Variants in CEP290 observed in about 807,000 individuals in gnomAD.
The protein encoded by CEP290 is centrosomal protein 290, also known as centrosomal protein of 290 kDa.
CEP290 carries 317 observed loss-of-function variants against 344.9 expected under a neutral mutation model. That is an observed-to-expected ratio of 0.92 (90% confidence interval 0.84 to 1.01). The LOEUF (loss-of-function observed/expected upper bound fraction) is 1.01, where lower values mean the gene tolerates loss of function less well. CEP290 is among the 50% of genes least tolerant of loss of function. CEP290 has a pLI of 0.00. For synonymous variants in CEP290, 932 were observed against 895.8 expected (o/e 1.04, Z -0.72); for missense variants, 2,754 against 2,761.4 (o/e 1.00, Z 0.06).
intron 29 of CEP290, among the ~76,000 whole-genome samples, chr12:88,092,097 T>TTA (rs1565851555): frequency 6.6e-6 from 1 of 152,074 alleles, no homozygotes; most frequent in African/African-American, 2.4e-5. Context: ...TATTTACTCC[T>TTA]TATATATATT....
intron 31 of CEP290, among the ~76,000 whole-genome samples, 161 bp downstream of exon 31, chr12:88,088,871 T>C (rs536462311): frequency 6.6e-5 from 10 of 152,136 alleles, no homozygotes; most frequent in Non-Finnish European, 1.2e-4. Flanking sequence ...GTAGGTATGG[T>C]GGTGTGCACC....
chr12:88,092,651 C>G, intron 29 of CEP290, 30 bp downstream of exon 29: 1 of 1,577,818 alleles, frequency 6.3e-7, no homozygotes, highest in Non-Finnish European at 8.6e-7. Context: ...TACATCTAGT[C>G]AAATGGCTAA....
intron 34 of CEP290, 84 bp downstream of exon 34, chr12:88,085,955 T>C: frequency 8.0e-7 from 1 of 1,243,522 alleles, no homozygotes; most frequent in South Asian, 1.5e-5. Context: ...TTCTATGCAT[T>C]GCCCTCATAA....
chr12:88,053,578 C>CAA (rs372674637), intron 52 of CEP290, 74 bp downstream of exon 52: 515 of 567,380 alleles, frequency 9.1e-4, no homozygotes, highest in Middle Eastern at 2.1e-3. Flanking sequence ...AAATCTGAGC[C>CAA]AAAAAAAAAA....
intron 6 of CEP290, among the ~76,000 whole-genome samples, chr12:88,132,462 T>C (rs550035874): frequency 5.3e-5 from 8 of 152,310 alleles, no homozygotes; most frequent in African/African-American, 1.9e-4. Context: ...TGAATCAATA[T>C]TAAAATTCCT....
chr12:88,106,685 T>C lies in CEP290; in HGVS notation c.2807A>G (p.Gln936Arg). The change falls in exon 25 of 54, where the codon CAA becomes CGA. Residue 936 changes from glutamine (Q) to arginine (R), a missense_variant. Gln to Arg is a conservative substitution (Grantham distance 43). Transcript: ENST00000552810. ...AEVCEKIGCL[Q>R]RFKEMAIFKI... ...AAGAATCAGATGTACCTTAAATCTT[T>C]GCAAACACCCAATTTTTTCACAAAC... is the stretch of plus-strand genomic sequence containing the variant. 1 of 1,606,496 alleles carries C rather than the reference T, an allele frequency of 6.2e-7. No homozygotes were observed.
At chr12:88,139,600 T>C in intron 3 of CEP290, 36 bp from the exon 4 acceptor site, 1 of 1,391,094 alleles carries the variant, frequency 7.2e-7, no homozygotes, top group Non-Finnish European at 9.5e-7. Flanking sequence ...AATATGCCTT[T>C]ATACTGGAAT....
intron 26 of CEP290, among the ~76,000 whole-genome samples, chr12:88,098,187 C>T (rs1372970982): frequency 4.0e-5 from 6 of 151,838 alleles, no homozygotes; most frequent in African/African-American, 1.5e-4. Context: ...TGCCTGTAAT[C>T]CCAGCTACTC....
Position 88,089,342 on chromosome 12 carries a change from T to C in CEP290, c.3719A>G (p.Gln1240Arg). 6.2e-7 allele frequency: 1 copy of C among 1,613,984 alleles called. No homozygotes were observed. The highest frequency in any genetic ancestry group is 1.3e-5 in the African/African-American group (1 of 75,038). Reference protein sequence around the residue: ...KMEAYNLRLEQKLDEKEQALY... With the variant: ...KMEAYNLRLERKLDEKEQALY... ...AGCCTGTTCTTTTTCATCAAGTTTCTGCTCTAAGCGCAAGTTGTAGGCCTC... is the reference window on the plus strand; with the variant it reads ...AGCCTGTTCTTTTTCATCAAGTTTCCGCTCTAAGCGCAAGTTGTAGGCCTC... Residue 1240 changes from glutamine to arginine, a missense_variant, in exon 31 of 54, where the codon CAG (glutamine) becomes CGG (arginine). Coordinates refer to ENST00000552810, the MANE Select transcript of CEP290 (RefSeq NM_025114.4).
intron 41 of CEP290, among the ~76,000 whole-genome samples, chr12:88,072,144 A>T (rs1481578043): frequency 6.6e-6 from 1 of 152,124 alleles, no homozygotes; most frequent in East Asian, 1.9e-4. Context: ...TATTTTTGGA[A>T]TATTTGCATA....
chr12:88,115,662 T>C (rs75655477), intron 18 of CEP290: 11 of 1,000,048 alleles, frequency 1.1e-5, no homozygotes, highest in Admixed American at 6.7e-5. Context: ...GTATAACTGA[T>C]GTTAAAGTGC....
chr12:88,119,092 G>C (rs2039249656), intron 15 of CEP290, among the ~76,000 whole-genome samples: 1 of 138,414 alleles, frequency 7.2e-6, no homozygotes, highest in Admixed American at 6.8e-5. Flanking sequence ...AAGTTGATCA[G>C]AAGGCTGTGA....
At chr12:88,125,217 A>G (rs1401121790) in intron 13 of CEP290, 29 bp downstream of exon 13, 2 of 629,682 alleles carry the variant, frequency 3.2e-6, no homozygotes, top group Non-Finnish European at 4.8e-6. Flanking sequence ...ATAATTGTAT[A>G]TAAAATAACT....
intron 31 of CEP290, among the ~76,000 whole-genome samples, chr12:88,088,831 C>A (rs1375887240): frequency 6.6e-6 from 1 of 151,850 alleles, no homozygotes; most frequent in African/African-American, 2.4e-5. Context: ...CTTGTCTCTA[C>A]AAAAAAATTT....
At chr12:88,072,003 T>C in intron 41 of CEP290, 77 bp from the exon 42 acceptor site, 1 of 1,319,278 alleles carries the variant, frequency 7.6e-7, no homozygotes, top group Non-Finnish European at 1.0e-6. Flanking sequence ...AATTATAATT[T>C]GCCTAGAAAA....
At position 88,129,769 on chromosome 12, in the gene CEP290, T is replaced by G; in HGVS notation, c.777A>C (p.Arg259Ser). ...CTGTCTGATGCACAATAGCTTTCAT[T>G]CTATTATATTCATCAGTCATCTTCT... ...EMEKMTDEYN[R>S]MKAIVHQTDN... Residue 259 changes from arginine (R) to serine (S), a missense_variant, in exon 10 of 54, where the codon AGA (arginine) becomes AGC (serine). Physicochemically the swap from Arg to Ser is moderately radical, Grantham distance 110. Transcript: ENST00000552810. 1 of 1,482,640 alleles carries G rather than the reference T, an allele frequency of 6.7e-7. No individual in the cohort carries two copies. The highest frequency in any genetic ancestry group is 1.3e-5 in the South Asian group (1 of 76,788). 91.8% of individuals were successfully genotyped at this position (1,482,640 alleles called of 1,614,324 possible).
At position 88,136,802 on chromosome 12, in the gene CEP290, C is replaced by T. The variant is rs531851010; in HGVS notation, c.298-16G>A. On this transcript the variant is annotated splice_polypyrimidine_tract_variant and intron_variant, in intron 5 of 53. Transcript: ENST00000552810. ...GCTGAGCCATCTTAAAGTAATAAAC[C>T]CAAAGTATAAATTAATCCCATTATA... 87 of 1,610,722 alleles carry T rather than the reference C, an allele frequency of 5.4e-5. No homozygotes were observed. Among genetic ancestry groups the T allele is most frequent in the Non-Finnish European group, 7.2e-5 (85 of 1,177,844 alleles).
chr12:88,063,429 T>G (rs1361283636), intron 45 of CEP290, among the ~76,000 whole-genome samples: 1 of 152,088 alleles, frequency 6.6e-6, no homozygotes, highest in African/African-American at 2.4e-5. Context: ...TATTCTTATA[T>G]TTTACAGTGT....
At position 88,103,015 on chromosome 12, in the gene CEP290, T is replaced by C. The variant is rs2137544449; in HGVS notation, c.2818-4A>G. 6.5e-7 allele frequency: 1 copy of C among 1,530,492 alleles called. No individual in the cohort carries two copies. Among genetic ancestry groups the C allele is most frequent in the South Asian group, 1.3e-5 (1 of 74,326 alleles). 94.8% of individuals were successfully genotyped at this position (1,530,492 alleles called of 1,614,324 possible). A position where few individuals can be genotyped will look rare whatever the true frequency, so the allele number is the denominator to read the frequency against. On this transcript the variant is annotated splice_polypyrimidine_tract_variant and splice_region_variant and intron_variant, in intron 25 of 53. Coordinates refer to ENST00000552810, the MANE Select transcript of CEP290 (RefSeq NM_025114.4). ...CAATCTTGAAAATGGCCATTTCCTA[T>C]GTAAATAAAGATACACTGAGTTATG...
Sources: allele counts gnomAD v4.1 joint callset (sites outside exome capture counted in the v4.1 genomes callset), GRCh38; gene constraint gnomAD v4.1.1; transcripts MANE v1.5; gene names NCBI Gene and HGNC (gene_info 2026-07-23, HGNC 2026-07-21).